The following INTS7 variants were observed in gnomAD, a reference collection of about 807,000 sequenced individuals.
INTS7 encodes chromosome 1 open reading frame 73.
INTS7 carries 46 observed loss-of-function variants against 109.2 expected under a neutral mutation model. The observed-to-expected ratio is 0.42, with a 90% CI of 0.33 to 0.54. INTS7 has a LOEUF of 0.54. INTS7 is among the 20% of genes least tolerant of loss of function. The pLI is 0.07. For missense variants in INTS7, 929 were observed against 1,132.4 expected (o/e 0.82, Z 2.58); for synonymous variants, 412 against 402.9 (o/e 1.02, Z -0.27).
rs1375235737 is a variant in INTS7, at chr1:212,007,364, A to G, written c.642T>C (p.Ala214=). 6.2e-7 allele frequency: 1 copy of G among 1,614,038 alleles called. No individual in the cohort carries two copies. The highest frequency in any genetic ancestry group is 8.5e-7 in the Non-Finnish European group (1 of 1,179,912). ...MHHDAILASS[A]RQLLQQLVTS... ...TGACCAGCTGTTGTAAAAGCTGACGAGCACTGGAAGCCAAGATTGCATCAT... is the reference window on the plus strand; with the variant it reads ...TGACCAGCTGTTGTAAAAGCTGACGGGCACTGGAAGCCAAGATTGCATCAT... The change falls in exon 6 of 20, where the codon GCT becomes GCC. Residue 214 remains alanine (A), a synonymous_variant. Transcript: ENST00000366994.
intron 5 of INTS7, 103 bp from the exon 6 acceptor site, chr1:212,007,552 A>G (rs1665984406): frequency 1.4e-6 from 1 of 723,322 alleles, no homozygotes; most frequent in African/African-American, 1.8e-5. Context: ...CTTGAAAAAC[A>G]CAGTATACTA....
chr1:212,031,882 A>C (rs1245096961), intron 1 of INTS7, among the ~76,000 whole-genome samples: 1 of 152,238 alleles, frequency 6.6e-6, no homozygotes, highest in East Asian at 1.9e-4. Context: ...ACAGTTATAA[A>C]TATATAACAG....
chr1:212,028,623 G>T (rs1416331408), intron 1 of INTS7, among the ~76,000 whole-genome samples: 1 of 152,118 alleles, frequency 6.6e-6, no homozygotes, highest in Non-Finnish European at 1.5e-5. Context: ...AATCTAAGCT[G>T]AACAAAGAAG....
intron 1 of INTS7, among the ~76,000 whole-genome samples, chr1:212,032,486 T>G (rs932200721): frequency 3.3e-5 from 5 of 151,890 alleles, no homozygotes; most frequent in Admixed American, 6.6e-5. Context: ...TATCTTTCTT[T>G]TTTTTTTTTC....
chr1:211,970,465 GT>G (rs1664122226), intron 13 of INTS7, among the ~76,000 whole-genome samples: 2 of 152,178 alleles, frequency 1.3e-5, no homozygotes. Flanking sequence ...TCTCACATTA[GT>G]CTTTTAGCAA....
intron 8 of INTS7, among the ~76,000 whole-genome samples, chr1:211,983,189 G>A (rs145811859): frequency 2.6e-5 from 4 of 152,086 alleles, no homozygotes; most frequent in African/African-American, 9.6e-5. Context: ...GGAGAGAAAA[G>A]AGAAAAAAAT....
intron 1 of INTS7, among the ~76,000 whole-genome samples, chr1:212,030,581 G>A (rs1026155826): frequency 1.2e-4 from 19 of 152,080 alleles, no homozygotes; most frequent in African/African-American, 3.1e-4. Context: ...GAGTCACTGC[G>A]CCCGGCCTAA....
rs1426135855 is a variant in INTS7, at chr1:211,946,410, A to C, written c.2415+197T>G. ...AGGCAGGAGAATCGCTTGAACCCGG[A>C]GGTTGCGGTGAGCCAAAATCACACC... On this transcript the variant is annotated intron_variant, in intron 18 of 19. Coordinates refer to ENST00000366994, the MANE Select transcript of INTS7 (RefSeq NM_015434.4). The surrounding 1 kb of genome is among the most constrained non-coding windows in gnomAD (Gnocchi z 4.3). 6.6e-6 allele frequency among the ~76,000 whole-genome samples: 1 copy of C among 152,130 alleles called. No homozygotes were observed. The highest frequency in any genetic ancestry group is 1.9e-4 in the East Asian group (1 of 5,194).
At chr1:212,000,988 C>A (rs1000006311) in intron 7 of INTS7, among the ~76,000 whole-genome samples, 1 of 151,794 alleles carries the variant, frequency 6.6e-6, no homozygotes, top group Non-Finnish European at 1.5e-5. Flanking sequence ...TTTACTCCTC[C>A]GAGGATAAAA....
chr1:211,993,604 C>T (rs1665237089), intron 7 of INTS7, among the ~76,000 whole-genome samples: 1 of 148,784 alleles, frequency 6.7e-6, no homozygotes, highest in African/African-American at 2.5e-5. Context: ...CGCTTGAACC[C>T]AGGAGGCAGA....
At chr1:212,009,530 T>C (rs562346693) in intron 5 of INTS7, among the ~76,000 whole-genome samples, 4 of 152,316 alleles carry the variant, frequency 2.6e-5, no homozygotes, top group African/African-American at 2.4e-5. Context: ...TCCTGGAGGT[T>C]AGCTTCTCAA....
chr1:211,974,447 C>A (rs945938557), intron 13 of INTS7, among the ~76,000 whole-genome samples: 2 of 151,488 alleles, frequency 1.3e-5, no homozygotes, highest in African/African-American at 4.8e-5. Flanking sequence ...TGTACGTAAA[C>A]AGGTACCAAA....
chr1:211,981,188 G>C lies in INTS7; in HGVS notation c.1135C>G (p.Leu379Val), dbSNP rs1664648512. ...NITVSCQEKD[L>V]LALEQDAVFG... The stretch of plus-strand genomic sequence containing the variant: ...ACAGCATCTTGTTCCAGTGCCAAAA[G>C]ATCTAGAAGAAAAACAGTAAACTTT... The change falls in exon 10 of 20, where the codon CTT (leucine) becomes GTT (valine). Residue 379 changes from leucine (L) to valine (V), a missense_variant and splice_region_variant. Coordinates refer to ENST00000366994, the MANE Select transcript of INTS7 (RefSeq NM_015434.4). The C allele has an allele frequency of 2.5e-6, 4 of 1,604,740 alleles. No individual in the cohort carries two copies. The highest frequency in any genetic ancestry group is 2.7e-5 in the African/African-American group (2 of 74,674).
chr1:212,008,157 G>C (rs1666017956), intron 5 of INTS7, among the ~76,000 whole-genome samples: 1 of 152,190 alleles, frequency 6.6e-6, no homozygotes, highest in Non-Finnish European at 1.5e-5. Context: ...ACGTAAGACA[G>C]CATTTCAACG....
intron 17 of INTS7, among the ~76,000 whole-genome samples, chr1:211,949,178 G>T (rs1383482300): frequency 6.6e-6 from 1 of 152,124 alleles, no homozygotes; most frequent in Non-Finnish European, 1.5e-5. Flanking sequence ...TCTTTTGTGT[G>T]TTCCTTAAAT....
At chr1:211,961,311 A>G (rs1025196720) in intron 16 of INTS7, among the ~76,000 whole-genome samples, 1 of 152,190 alleles carries the variant, frequency 6.6e-6, no homozygotes, top group African/African-American at 2.4e-5. Context: ...GAAAAAAGAA[A>G]AAAAAAGGCA....
rs377746836 is a variant in INTS7 at position 211,988,054 on chromosome 1, C to A, written c.880-51G>T. 4 of 859,060 alleles carry A rather than the reference C, an allele frequency of 4.7e-6. No homozygotes were observed. The African/African-American group carries it at 6.9e-5, about 15-fold the overall frequency. The allele number at this position is 859,060 out of a possible 1,614,324, so 53.2% of individuals were successfully genotyped here. On this transcript the variant is annotated intron_variant, in intron 7 of 19. Transcript: ENST00000366994. ...TAGAAGTTAAAACATCAATATACTT[C>A]TAAACTGTCTACTCCATTTACATTT...
At chr1:212,026,622 G>A (rs1360071284) in intron 1 of INTS7, among the ~76,000 whole-genome samples, 1 of 152,178 alleles carries the variant, frequency 6.6e-6, no homozygotes, top group Non-Finnish European at 1.5e-5. Context: ...GGGACACACA[G>A]GGCAGAGAAG....
chr1:211,978,868 C>G (rs954679363), intron 10 of INTS7, among the ~76,000 whole-genome samples: 2 of 152,118 alleles, frequency 1.3e-5, no homozygotes, highest in African/African-American at 4.8e-5. Context: ...TGAAGTGTGG[C>G]TTGTAAACTA....
Sources: allele counts gnomAD v4.1 joint callset (sites outside exome capture counted in the v4.1 genomes callset), GRCh38; gene constraint gnomAD v4.1.1; non-coding constraint Gnocchi (gnomAD v3.1); transcripts MANE v1.5; gene names NCBI Gene and HGNC (gene_info 2026-07-23, HGNC 2026-07-21).